Variants in DUSP22 observed in about 807,000 individuals in gnomAD.
DUSP22 encodes dual specificity phosphatase 22.
A neutral mutation model predicts 24.5 loss-of-function variants in DUSP22; 24 were observed. The observed-to-expected ratio is 0.98, with a 90% CI of 0.71 to 1.38. DUSP22 has a LOEUF of 1.38. DUSP22 is among the 40% of genes most tolerant of loss of function. The pLI is 0.00. For synonymous variants in DUSP22, 160 were observed against 106.4 expected (o/e 1.50, Z -3.10); for missense variants, 330 against 269.2 (o/e 1.23, Z -1.58).
intron 4 of DUSP22, among the ~76,000 whole-genome samples, chr6:341,908 C>T (rs1297056492): frequency 6.6e-6 from 1 of 152,418 alleles, no homozygotes; most frequent in Non-Finnish European, 1.5e-5. Context: ...GCACACTCCC[C>T]TCTTGTATTT....
intron 3 of DUSP22, among the ~76,000 whole-genome samples, chr6:312,966 A>ATTTT (rs5873738): frequency 4.1e-4 from 58 of 142,532 alleles, no homozygotes; most frequent in African/African-American, 1.2e-3. Context: ...TTAGCTCATA[A>ATTTT]TTTTTTTTTT....
Position 350,365 on chromosome 6 carries a change from C to CA in DUSP22, c.*1415dup. The CA allele has an allele frequency of 1.9e-6, 2 of 1,063,372 alleles. No homozygotes were observed. Among genetic ancestry groups the CA allele is most frequent in the Non-Finnish European group, 2.3e-6 (2 of 877,972 alleles). 65.9% of individuals were successfully genotyped at this position (1,063,372 alleles called of 1,614,324 possible). ...AGTGGTCTAGTCCTTTATACCGACTCAGATTCCTTAAGCATGCAGAGTCAC... is the reference window on the plus strand; with the variant it reads ...AGTGGTCTAGTCCTTTATACCGACTCAAGATTCCTTAAGCATGCAGAGTCAC... On this transcript the variant is annotated 3_prime_UTR_variant, in exon 7 of 7. Transcript: ENST00000419235.
At chr6:306,040 T>C (rs1757802471) in intron 2 of DUSP22, among the ~76,000 whole-genome samples, 1 of 152,304 alleles carries the variant, frequency 6.6e-6, no homozygotes, top group Non-Finnish European at 1.5e-5. Flanking sequence ...TGCTAATTGC[T>C]ACAAGAACAT....
At chr6:298,162 G>A (rs754721707) in intron 1 of DUSP22, among the ~76,000 whole-genome samples, 9 of 152,416 alleles carry the variant, frequency 5.9e-5, no homozygotes, top group East Asian at 1.9e-4. Flanking sequence ...TTTTTATTTC[G>A]TGTTGAAGAA....
intron 3 of DUSP22, among the ~76,000 whole-genome samples, chr6:314,908 G>A (rs1179592655): frequency 6.6e-6 from 1 of 152,302 alleles, no homozygotes; most frequent in African/African-American, 2.4e-5. Context: ...TGGGGGTTGG[G>A]GTTTCCCAAA....
intron 4 of DUSP22, among the ~76,000 whole-genome samples, chr6:341,446 T>C (rs1759602719): frequency 6.6e-6 from 1 of 152,306 alleles, no homozygotes; most frequent in Admixed American, 6.5e-5. Flanking sequence ...GAGTTGGGGC[T>C]TCTGTCATCA....
At chr6:347,742 G>A (rs759329672) in intron 5 of DUSP22, among the ~76,000 whole-genome samples, 26 of 152,408 alleles carry the variant, frequency 1.7e-4, no homozygotes, top group Non-Finnish European at 2.4e-4. Context: ...GGTTTGTCGC[G>A]TAGGCCCTGG....
At chr6:295,843 C>T (rs1264802391) in intron 1 of DUSP22, among the ~76,000 whole-genome samples, 2 of 151,528 alleles carry the variant, frequency 1.3e-5, no homozygotes, top group Non-Finnish European at 1.5e-5. Context: ...AGTTGTGAAC[C>T]ATTTTTTTTA....
chr6:341,760 T>G (rs1344706753), intron 4 of DUSP22, among the ~76,000 whole-genome samples: 1 of 152,306 alleles, frequency 6.6e-6, no homozygotes, highest in Admixed American at 6.5e-5. Context: ...TCTACTGGAC[T>G]TAACTCTTAC....
intron 2 of DUSP22, among the ~76,000 whole-genome samples, chr6:309,520 T>G (rs1757969132): frequency 1.3e-5 from 2 of 152,304 alleles, no homozygotes; most frequent in Non-Finnish European, 2.9e-5. Context: ...ACCTAAATTT[T>G]TTTTCCTGAC....
intron 3 of DUSP22, among the ~76,000 whole-genome samples, chr6:322,828 G>T (rs1442155984): frequency 2.5e-5 from 2 of 81,626 alleles, no homozygotes; most frequent in African/African-American, 8.9e-5. Flanking sequence ...ATGGCTGCTT[G>T]GTGGGGCGGG....
At chr6:296,416 T>C (rs1248860296) in intron 1 of DUSP22, among the ~76,000 whole-genome samples, 1 of 152,292 alleles carries the variant, frequency 6.6e-6, no homozygotes, top group East Asian at 1.9e-4. Flanking sequence ...GAGCCTGGAC[T>C]CAAAGCCACA....
intron 1 of DUSP22, among the ~76,000 whole-genome samples, chr6:297,026 G>T (rs1240040583): frequency 1.3e-5 from 2 of 152,308 alleles, no homozygotes; most frequent in Admixed American, 6.5e-5. Flanking sequence ...TTCAGTGGGT[G>T]CATCTTGTTT....
chr6:323,187 G>A (rs1195384194), intron 3 of DUSP22, among the ~76,000 whole-genome samples: 1 of 152,304 alleles, frequency 6.6e-6, no homozygotes, highest in Non-Finnish European at 1.5e-5. Flanking sequence ...TTTTAAAAAT[G>A]TGTTCCCCTC....
intron 6 of DUSP22, 21 bp from the exon 7 acceptor site, chr6:348,748 G>T (rs756875886): frequency 3.1e-6 from 5 of 1,614,070 alleles, no homozygotes; most frequent in Non-Finnish European, 4.2e-6. Flanking sequence ...GACGTTTCGG[G>T]TTTGTTTCCA....
chr6:328,624 T>C (rs1758998854), intron 3 of DUSP22, among the ~76,000 whole-genome samples: 1 of 152,306 alleles, frequency 6.6e-6, no homozygotes, highest in Non-Finnish European at 1.5e-5. Context: ...TTGGAAGTTA[T>C]TATTTGTAGT....
In DUSP22 at chr6:348,183, T is replaced by A; in HGVS notation, c.344T>A (p.Leu115Gln). ...TVTDFGWEDA[L>Q]HTVRAGRSCA... ...ACTGACTTTGGCTGGGAGGATGCCC[T>A]GCACACCGTGCGTGCTGGGAGATCC... The change falls in exon 6 of 7, where the codon CTG becomes CAG. Residue 115 changes from leucine (L) to glutamine (Q), a missense_variant. Leu to Gln is a moderately radical substitution (Grantham distance 113, BLOSUM62 -2). Transcript: ENST00000419235. 6.2e-7 allele frequency: 1 copy of A among 1,614,304 alleles called. No homozygotes were observed. Among genetic ancestry groups the A allele is most frequent in the South Asian group, 1.1e-5 (1 of 91,092 alleles).
intron 3 of DUSP22, among the ~76,000 whole-genome samples, chr6:319,340 C>T (rs374729414): frequency 9.6e-4 from 146 of 152,324 alleles, no homozygotes; most frequent in African/African-American, 3.3e-3. Flanking sequence ...TTCATAGATG[C>T]ATGTGTGATG....
At chr6:318,551 C>T (rs75942866) in intron 3 of DUSP22, among the ~76,000 whole-genome samples, 2,712 of 151,132 alleles carry the variant, frequency 0.018, 5 homozygotes, top group East Asian at 0.15. Context: ...GGGGTGACCA[C>T]AGCAGGCCTC....
Sources: allele counts gnomAD v4.1 joint callset (sites outside exome capture counted in the v4.1 genomes callset), GRCh38; gene constraint gnomAD v4.1.1; transcripts MANE v1.5; gene names NCBI Gene and HGNC (gene_info 2026-07-23, HGNC 2026-07-21).